CNKSR3: variants seen among roughly 807,000 people sequenced by gnomAD.
CNKSR3 encodes connector enhancer of kinase suppressor of ras 3.
CNKSR3 carries 36 observed loss-of-function variants against 67.7 expected under a neutral mutation model. That is an observed-to-expected ratio of 0.53 (90% CI 0.41 to 0.70). The LOEUF (loss-of-function observed/expected upper bound fraction) is 0.70, where lower values mean the gene tolerates loss of function less well. CNKSR3 is among the 30% of genes least tolerant of loss of function. The probability of loss-of-function intolerance (pLI) is 0.00; values close to 1 mark genes in which losing one functional copy is unlikely to be tolerated. For synonymous variants in CNKSR3, 281 were observed against 271.4 expected (o/e 1.04, Z -0.35); for missense variants, 630 against 695.2 (o/e 0.91, Z 1.05).
rs1051633443 is a variant in CNKSR3 at position 154,458,918 on chromosome 6, G to T, written c.53-8660C>A. 2.6e-5 allele frequency among the ~76,000 whole-genome samples: 4 copies of T among 152,170 alleles called. No homozygotes were observed. The South Asian group carries it at 6.2e-4, about 24-fold the overall frequency. On this transcript the variant is annotated intron_variant, in intron 1 of 12. Coordinates refer to ENST00000607772, the MANE Select transcript of CNKSR3 (RefSeq NM_173515.4). ...TTGGAAAGCTGCCGTGCTTCTTTCAGGTCTAAAGATCCATAGTTCCAACAT... is the reference window on the plus strand; with the variant it reads ...TTGGAAAGCTGCCGTGCTTCTTTCATGTCTAAAGATCCATAGTTCCAACAT...
chr6:154,423,077 T>A, intron 7 of CNKSR3, 94 bp from the exon 8 acceptor site: 1 of 802,414 alleles, frequency 1.2e-6, no homozygotes, highest in African/African-American at 1.7e-5. Flanking sequence ...AATTAGCAAC[T>A]GAAATAACAT....
intron 12 of CNKSR3, among the ~76,000 whole-genome samples, chr6:154,408,916 C>T (rs966303746): frequency 5.3e-5 from 8 of 151,746 alleles, no homozygotes; most frequent in Non-Finnish European, 1.0e-4. Flanking sequence ...AATTTCACAC[C>T]CCATAACCCT....
intron 7 of CNKSR3, among the ~76,000 whole-genome samples, chr6:154,426,715 T>C (rs185828452): frequency 1.2e-4 from 18 of 152,286 alleles, no homozygotes; most frequent in Admixed American, 1.3e-4. Context: ...CTTCCAGTAG[T>C]AATTCTGTAG....
chr6:154,388,906 T>C lies in CNKSR3; in HGVS notation c.*17448A>G, dbSNP rs1784577549. 1.3e-5 allele frequency: 2 copies of C among 151,932 alleles called. No homozygotes were observed. The highest frequency in any genetic ancestry group is 4.1e-4 in the South Asian group (2 of 4,822). The allele number at this position is 151,932 out of a possible 1,614,324, so 9.4% of individuals were successfully genotyped here. Reference sequence around the variant, plus strand: ...TTGCTGTTCAAGATGCCAGAGCCCATGCTATTCAGATCCTTGGCCCATTTG... The same window carrying C: ...TTGCTGTTCAAGATGCCAGAGCCCACGCTATTCAGATCCTTGGCCCATTTG... On this transcript the variant is annotated 3_prime_UTR_variant, in exon 13 of 13. Coordinates refer to ENST00000607772, the MANE Select transcript of CNKSR3 (RefSeq NM_173515.4).
rs1333068394 is a variant in CNKSR3 at position 154,400,039 on chromosome 6, CT to C, written c.*6314del. On this transcript the variant is annotated 3_prime_UTR_variant, in exon 13 of 13. Transcript: ENST00000607772. ...GAAAATGATGAGAATATCCTTATCC[CT>C]GGGTGTGAGGAGTAATTACTCTACT... The C allele has an allele frequency of 6.6e-6, 1 of 152,190 alleles. No individual in the cohort carries two copies. The highest frequency in any genetic ancestry group is 1.5e-5 in the Non-Finnish European group (1 of 68,038). The allele number at this position is 152,190 out of a possible 1,614,324, so 9.4% of individuals were successfully genotyped here. A position where few individuals can be genotyped will look rare whatever the true frequency, so the allele number is the denominator to read the frequency against.
chr6:154,446,376 T>C (rs186126604), intron 2 of CNKSR3, among the ~76,000 whole-genome samples: 6 of 152,344 alleles, frequency 3.9e-5, no homozygotes, highest in African/African-American at 9.6e-5. Flanking sequence ...ATCAAAGCCA[T>C]CTTATTGACT....
chr6:154,505,897 G>A (rs535013758), intron 1 of CNKSR3, among the ~76,000 whole-genome samples: 3 of 152,240 alleles, frequency 2.0e-5, no homozygotes, highest in Non-Finnish European at 2.9e-5. Context: ...CTTCCTCGTC[G>A]AAGGCACTCC....
Position 154,395,948 on chromosome 6 carries a change from C to G in CNKSR3, c.*10406G>C, listed in dbSNP as rs187739912. ...GTTTCACCATGTTGTCCAGGCTGGT[C>G]TCAAACTCCTGGGCTCAAGCAATCC... On this transcript the variant is annotated 3_prime_UTR_variant, in exon 13 of 13. Coordinates refer to ENST00000607772, the MANE Select transcript of CNKSR3 (RefSeq NM_173515.4). The G allele has an allele frequency of 8.8e-4, 134 of 152,480 alleles. No homozygotes were observed. Among genetic ancestry groups the G allele is most frequent in the African/African-American group, 3.1e-3 (128 of 41,534 alleles). The allele number at this position is 152,480 out of a possible 1,614,324, so 9.4% of individuals were successfully genotyped here.
chr6:154,395,169 TC>T lies in CNKSR3; in HGVS notation c.*11184del, dbSNP rs1370517502. 1 of 152,348 alleles carries T rather than the reference TC, an allele frequency of 6.6e-6. No homozygotes were observed. The highest frequency in any genetic ancestry group is 1.9e-4 in the East Asian group (1 of 5,188). The allele number at this position is 152,348 out of a possible 1,614,324, so 9.4% of individuals were successfully genotyped here. On this transcript the variant is annotated 3_prime_UTR_variant, in exon 13 of 13. Coordinates refer to ENST00000607772, the MANE Select transcript of CNKSR3 (RefSeq NM_173515.4). ...GGAGAGAAGGAAAAAGTAAGAGTTT[TC>T]TTATTTGCATGCATCAAGTATTTTC... is the stretch of plus-strand genomic sequence containing the variant.
At chr6:154,441,508 G>A (rs376480569) in intron 3 of CNKSR3, 129 bp from the exon 4 acceptor site, 1 of 677,356 alleles carries the variant, frequency 1.5e-6, no homozygotes, top group East Asian at 2.7e-5. Context: ...GTTTGAGACT[G>A]TGTCTCACTC....
At chr6:154,510,001 A>T in intron 1 of CNKSR3, 62 bp downstream of exon 1, 1 of 1,580,382 alleles carries the variant, frequency 6.3e-7, no homozygotes, top group Non-Finnish European at 8.7e-7. Flanking sequence ...CCTCTTCCCC[A>T]GCTCCTCGTC....
chr6:154,404,033 C>T lies in CNKSR3; in HGVS notation c.*2321G>A, dbSNP rs1052953215. On this transcript the variant is annotated 3_prime_UTR_variant, in exon 13 of 13. Transcript: ENST00000607772. ...AAACAGGCAGGGCTGGCTCGCCCCT[C>T]GTACACAGCTCCCTCCTCATCACCA... 6.6e-6 allele frequency: 1 copy of T among 152,134 alleles called. No homozygotes were observed. Among genetic ancestry groups the T allele is most frequent in the African/African-American group, 2.4e-5 (1 of 41,396 alleles). 9.4% of individuals were successfully genotyped at this position (152,134 alleles called of 1,614,324 possible).
intron 1 of CNKSR3, among the ~76,000 whole-genome samples, chr6:154,502,044 C>T (rs1787008194): frequency 6.6e-6 from 1 of 152,218 alleles, no homozygotes; most frequent in African/African-American, 2.4e-5. Context: ...ATCCCAATTA[C>T]ACCACCAGTT....
chr6:154,402,573 C>T lies in CNKSR3; in HGVS notation c.*3781G>A, dbSNP rs1562314677. 6.6e-6 allele frequency: 1 copy of T among 152,196 alleles called. No homozygotes were observed. Among genetic ancestry groups the T allele is most frequent in the Non-Finnish European group, 1.5e-5 (1 of 68,036 alleles). The allele number at this position is 152,196 out of a possible 1,614,324, so 9.4% of individuals were successfully genotyped here. A position where few individuals can be genotyped will look rare whatever the true frequency, so the allele number is the denominator to read the frequency against. ...CATAACCAGGATGACTAGCACATAA[C>T]CTGGGTAACTCCCTCATATGCAAAA... is the stretch of plus-strand genomic sequence containing the variant. On this transcript the variant is annotated 3_prime_UTR_variant, in exon 13 of 13. Transcript: ENST00000607772.
intron 12 of CNKSR3, among the ~76,000 whole-genome samples, chr6:154,409,906 C>G (rs1324662350): frequency 3.3e-5 from 4 of 123,068 alleles, no homozygotes; most frequent in African/African-American, 1.3e-4. Flanking sequence ...AATTAGCCAG[C>G]CGTGGTGGCG....
At chr6:154,460,919 C>G (rs369313684) in intron 1 of CNKSR3, among the ~76,000 whole-genome samples, 1 of 152,110 alleles carries the variant, frequency 6.6e-6, no homozygotes, top group Admixed American at 6.5e-5. Context: ...CGAGTTCTAC[C>G]GTATGGAGGT....
At chr6:154,458,698 C>G (rs1451926060) in intron 1 of CNKSR3, among the ~76,000 whole-genome samples, 1 of 152,148 alleles carries the variant, frequency 6.6e-6, no homozygotes, top group African/African-American at 2.4e-5. Context: ...CTGTCCTGCC[C>G]CAGTAACACT....
intron 1 of CNKSR3, among the ~76,000 whole-genome samples, chr6:154,461,956 G>T (rs978543439): frequency 6.6e-6 from 1 of 152,226 alleles, no homozygotes; most frequent in Non-Finnish European, 1.5e-5. Context: ...GCAGGAAGGG[G>T]TGCTCCAATA....
At chr6:154,465,237 A>G (rs1786172396) in intron 1 of CNKSR3, among the ~76,000 whole-genome samples, 1 of 152,034 alleles carries the variant, frequency 6.6e-6, no homozygotes, top group Non-Finnish European at 1.5e-5. Context: ...CTTAAATAAA[A>G]TTCTAAAGTC....
Sources: allele counts gnomAD v4.1 joint callset (sites outside exome capture counted in the v4.1 genomes callset), GRCh38; gene constraint gnomAD v4.1.1; transcripts MANE v1.5; gene names NCBI Gene and HGNC (gene_info 2026-07-23, HGNC 2026-07-21).